Variants in MDN1 observed in about 807,000 individuals in gnomAD.
MDN1 encodes midasin AAA ATPase 1.
A neutral mutation model predicts 669.2 loss-of-function variants in MDN1; 266 were observed. The ratio of observed to expected loss-of-function variants is 0.40; its 90% CI spans 0.36 to 0.44. MDN1 has a LOEUF of 0.44. Ranked by LOEUF, MDN1 falls within the 20% of genes least tolerant of loss-of-function variation. The pLI is 1.00. For missense variants in MDN1, 5,940 were observed against 6,754.0 expected, an observed-to-expected ratio of 0.88 and a Z score of 4.22; for synonymous variants, 2,385 against 2,457.1, an observed-to-expected ratio of 0.97 and a Z score of 0.87.
In MDN1 at chr6:89,655,841, G is replaced by A; in HGVS notation, c.15413C>T (p.Pro5138Leu). 1.2e-6 allele frequency: 2 copies of A among 1,614,026 alleles called. No homozygotes were observed. Among genetic ancestry groups the A allele is most frequent in the East Asian group, 4.5e-5 (2 of 44,870 alleles). The stretch of plus-strand genomic sequence containing the variant: ...ATCTGCATCCTCCACCTGGGCCTGG[G>A]GCTGCTGAGCTGGCCCCTGCTCGGC... ...SHAEQGPAQQ[P>L]QAQVEDADAF... The change falls in exon 92 of 102, where the codon CCC (proline) becomes CTC (leucine). Residue 5138 changes from proline to leucine, a missense_variant. By Grantham distance (98) the Pro-to-Leu change is moderately conservative (BLOSUM62 -3). Coordinates refer to ENST00000369393, the MANE Select transcript of MDN1 (RefSeq NM_014611.3).
chr6:89,814,978 G>C (rs754436026), intron 1 of MDN1: 32 of 582,182 alleles, frequency 5.5e-5, no homozygotes, highest in Middle Eastern at 6.5e-4. Flanking sequence ...GAGAATCCAG[G>C]AGTCCTGCCA....
intron 11 of MDN1, among the ~76,000 whole-genome samples, chr6:89,778,931 TAAAA>T (rs748156380): frequency 0.015 from 2,137 of 137,914 alleles, 71 homozygotes; most frequent in Middle Eastern, 0.037. Context: ...AATAAATAAA[TAAAA>T]AAAAAGGTAT....
rs1343708504 is a variant in MDN1, at chr6:89,710,795, CTG to C, written c.7652-3_7652-2del. On this transcript the variant is annotated splice_acceptor_variant and splice_polypyrimidine_tract_variant and intron_variant, in intron 49 of 101. Transcript: ENST00000369393. LOFTEE classifies it high-confidence loss of function. ...GCTTCCAAATGAATTTGTATGGACT[CTG>C]TGGAGGAAGGAGAAACCAGTGTTAG... 5 of 1,574,840 alleles carry C rather than the reference CTG, an allele frequency of 3.2e-6. No individual in the cohort carries two copies. The highest frequency in any genetic ancestry group is 4.3e-6 in the Non-Finnish European group (5 of 1,150,856).
chr6:89,694,167 C>T lies in MDN1; in HGVS notation c.9788G>A (p.Cys3263Tyr). 1 of 1,614,112 alleles carries T rather than the reference C, an allele frequency of 6.2e-7. No homozygotes were observed. Among genetic ancestry groups the T allele is most frequent in the Non-Finnish European group, 8.5e-7 (1 of 1,179,964 alleles). The stretch of plus-strand genomic sequence containing the variant: ...TGACAGGTTCCGGGTCTTCCATTCA[C>T]ACTGCAGTTGGTGTAACTAATGGAA... ...YVKEELHQLQ[C>Y]EWKTRNLSSQ... is the part of the protein sequence containing the mutation. Residue 3263 changes from cysteine to tyrosine, a missense_variant, in exon 62 of 102, where the codon TGT becomes TAT. By Grantham distance (194) the Cys-to-Tyr change is radical. Around this residue, in one of 5 missense-constraint regions of MDN1, gnomAD observed 2,292 missense variants for 2,638.3 expected, o/e 0.87. Coordinates refer to ENST00000369393, the MANE Select transcript of MDN1 (RefSeq NM_014611.3).
chr6:89,738,233 C>A, intron 33 of MDN1, 93 bp downstream of exon 33: 2 of 1,423,382 alleles, frequency 1.4e-6, no homozygotes, highest in Admixed American at 2.1e-5. Context: ...ACACCATATA[C>A]ACACAGGGCT....
intron 24 of MDN1, 110 bp downstream of exon 24, chr6:89,750,244 T>C: frequency 8.8e-7 from 1 of 1,135,678 alleles, no homozygotes; most frequent in Non-Finnish European, 1.3e-6. Flanking sequence ...AAGCCGGCTG[T>C]TACAGCAAAG....
intron 95 of MDN1, among the ~76,000 whole-genome samples, chr6:89,651,755 T>C (rs545207883): frequency 1.3e-5 from 2 of 152,212 alleles, no homozygotes; most frequent in Non-Finnish European, 1.5e-5. Context: ...ACAATAGATA[T>C]AAAAGTGAAA....
At chr6:89,768,391 TG>T (rs1368284049) in intron 15 of MDN1, among the ~76,000 whole-genome samples, 6 of 152,196 alleles carry the variant, frequency 3.9e-5, no homozygotes, top group Non-Finnish European at 5.9e-5. Context: ...CCACCATCCA[TG>T]TAAGACACGA....
intron 31 of MDN1, among the ~76,000 whole-genome samples, chr6:89,741,578 T>C (rs956473252): frequency 2.0e-5 from 3 of 151,916 alleles, no homozygotes; most frequent in East Asian, 1.9e-4. Flanking sequence ...ACCTTCCCAA[T>C]TGCTCCTATA....
intron 11 of MDN1, among the ~76,000 whole-genome samples, chr6:89,779,671 ACTT>A (rs1248493481): frequency 6.6e-6 from 1 of 152,238 alleles, no homozygotes; most frequent in Non-Finnish European, 1.5e-5. Flanking sequence ...ATCAAACTAT[ACTT>A]CTTCTGAAAT....
chr6:89,688,461 C>T, intron 66 of MDN1, 112 bp downstream of exon 66: 1 of 947,090 alleles, frequency 1.1e-6, no homozygotes. Context: ...TTCTTTAAGC[C>T]TTTGTTTATA....
chr6:89,761,586 A>C, intron 17 of MDN1, 59 bp downstream of exon 17: 1 of 1,281,190 alleles, frequency 7.8e-7, no homozygotes, highest in Non-Finnish European at 1.1e-6. Context: ...AACCTGCCTG[A>C]AACATTGTTT....
intron 84 of MDN1, among the ~76,000 whole-genome samples, chr6:89,665,706 CAAAAAAAAAA>C (rs61352567): frequency 1.4e-3 from 177 of 126,236 alleles, no homozygotes; most frequent in Admixed American, 1.7e-3. Flanking sequence ...GACTCCGTTT[CAAAAAAAAAA>C]AAAAAAAAAA....
In MDN1 at chr6:89,658,222, T is replaced by C; in HGVS notation, c.15170A>G (p.Glu5057Gly). The C allele has an allele frequency of 6.2e-7, 1 of 1,614,188 alleles. No individual in the cohort carries two copies. Among genetic ancestry groups the C allele is most frequent in the East Asian group, 2.2e-5 (1 of 44,884 alleles). ...ACCACTGATCACCTCTTTCCCCTGC[T>C]CCTTCTCAGGTGCGGCCCCAGCCAG... Reference protein sequence around the residue: ...MELAGAAPEKEQGKEEHGSGA... With the variant: ...MELAGAAPEKGQGKEEHGSGA... Residue 5057 changes from glutamate to glycine, a missense_variant, in exon 90 of 102, where the codon GAG becomes GGG. Coordinates refer to ENST00000369393, the MANE Select transcript of MDN1 (RefSeq NM_014611.3).
chr6:89,688,502 G>C, intron 66 of MDN1, 71 bp downstream of exon 66: 1 of 1,413,516 alleles, frequency 7.1e-7, no homozygotes, highest in East Asian at 2.3e-5. Flanking sequence ...TGCCCCCAGG[G>C]ATAATGGTGA....
Position 89,730,830 on chromosome 6 carries a change from G to A in MDN1, c.5036C>T (p.Thr1679Ile), listed in dbSNP as rs1322127153. 6.2e-7 allele frequency: 1 copy of A among 1,613,936 alleles called. No homozygotes were observed. Among genetic ancestry groups the A allele is most frequent in the South Asian group, 1.1e-5 (1 of 91,070 alleles). Reference protein sequence around the residue: ...IKRLAKIVRLTEYQKNELKIY... With the variant: ...IKRLAKIVRLIEYQKNELKIY... Reference sequence around the variant, plus strand: ...CTTCAACTCATTTTTCTGATATTCTGTAAGTCGTACTATCTTGGCAAGCCT... The same window carrying A: ...CTTCAACTCATTTTTCTGATATTCTATAAGTCGTACTATCTTGGCAAGCCT... Residue 1679 changes from threonine (T) to isoleucine (I), a missense_variant, in exon 35 of 102, where the codon ACA (threonine) becomes ATA (isoleucine). By Grantham distance (89) the Thr-to-Ile change is moderately conservative. Transcript: ENST00000369393.
In MDN1 at chr6:89,696,685, G is replaced by A. The variant is rs114511519; in HGVS notation, c.9169-111C>T. 335 of 765,178 alleles carry A rather than the reference G, an allele frequency of 4.4e-4. 1 individual carries two copies. The African/African-American group carries it at 5.1e-3, about 12-fold the overall frequency. 47.4% of individuals were successfully genotyped at this position (765,178 alleles called of 1,614,324 possible). ...AGACAGTTCAGGTTGCTTGGAACAG[G>A]TAAGCATCACTCAGAGACTGGCCTA... On this transcript the variant is annotated intron_variant, in intron 59 of 101. Coordinates refer to ENST00000369393, the MANE Select transcript of MDN1 (RefSeq NM_014611.3).
In MDN1 at chr6:89,643,357, C is replaced by T. The variant is rs1242688733; in HGVS notation, c.*648G>A. On this transcript the variant is annotated 3_prime_UTR_variant, in exon 102 of 102. Coordinates refer to ENST00000369393, the MANE Select transcript of MDN1 (RefSeq NM_014611.3). ...AAGTGTGAAAGAGGATACTGAAAAG[C>T]CACTTCATTTTTACACAGCCCAAGG... 1 of 152,192 alleles carries T rather than the reference C, an allele frequency of 6.6e-6. No homozygotes were observed. Among genetic ancestry groups the T allele is most frequent in the African/African-American group, 2.4e-5 (1 of 41,452 alleles). The allele number at this position is 152,192 out of a possible 1,614,324, so 9.4% of individuals were successfully genotyped here.
intron 22 of MDN1, among the ~76,000 whole-genome samples, chr6:89,752,636 T>C (rs1041240213): frequency 3.3e-5 from 5 of 152,042 alleles, no homozygotes; most frequent in Admixed American, 3.3e-4. Context: ...TACTGCCTCC[T>C]CAAAAAAGAC....
Sources: gnomAD v4.1 joint callset for allele counts (sites outside exome capture counted in the v4.1 genomes callset) on GRCh38, gnomAD v4.1.1 for gene constraint, gnomAD v4.1.1 regional missense constraint, MANE v1.5 for transcripts, NCBI Gene and HGNC (gene_info 2026-07-23, HGNC 2026-07-21) for gene names.